DTNBP1: variants seen among roughly 807,000 people sequenced by gnomAD.
DTNBP1 encodes dysbindin.
In DTNBP1, 35 loss-of-function variants were observed where a neutral mutation model predicts 42.8. That is an observed-to-expected ratio of 0.82 (90% CI 0.63 to 1.09). The LOEUF (loss-of-function observed/expected upper bound fraction) is 1.09. DTNBP1 is among the 50% of genes least tolerant of loss of function. DTNBP1 has a pLI of 0.00. For missense variants in DTNBP1, 457 were observed against 424.2 expected (o/e 1.08, Z -0.68); for synonymous variants, 171 against 162.2 (o/e 1.05, Z -0.41).
At chr6:15,646,774 C>T (rs1190307380) in intron 3 of DTNBP1, among the ~76,000 whole-genome samples, 3 of 151,946 alleles carry the variant, frequency 2.0e-5, no homozygotes, top group Non-Finnish European at 2.9e-5. Context: ...GGGGAAAGGA[C>T]ACCCTATTCA....
At chr6:15,660,181 T>C (rs957509858) in intron 1 of DTNBP1, among the ~76,000 whole-genome samples, 17 of 152,190 alleles carry the variant, frequency 1.1e-4, no homozygotes, top group African/African-American at 3.6e-4. Flanking sequence ...ATTTATGTAA[T>C]ATGTTTCTTT....
At chr6:15,545,670 A>G (rs920463944) in intron 7 of DTNBP1, among the ~76,000 whole-genome samples, 10 of 152,230 alleles carry the variant, frequency 6.6e-5, no homozygotes, top group Admixed American at 2.6e-4. Context: ...GTTGGTCACA[A>G]AATTAGGTCC....
At chr6:15,603,703 C>G (rs1214732648) in intron 6 of DTNBP1, among the ~76,000 whole-genome samples, 1 of 152,262 alleles carries the variant, frequency 6.6e-6, no homozygotes, top group Non-Finnish European at 1.5e-5. Context: ...TTATGATTTG[C>G]TAAGCACGTC....
At chr6:15,615,806 A>C (rs553962244) in intron 5 of DTNBP1, among the ~76,000 whole-genome samples, 128 of 152,368 alleles carry the variant, frequency 8.4e-4, no homozygotes, top group African/African-American at 2.9e-3. Context: ...ATACTTAACT[A>C]ACTTAATATC....
At chr6:15,541,707 C>G (rs116046144) in intron 7 of DTNBP1, among the ~76,000 whole-genome samples, 87 of 152,152 alleles carry the variant, frequency 5.7e-4, no homozygotes, top group African/African-American at 1.9e-3. Flanking sequence ...TGCTTACTTA[C>G]TCAAAACAAC....
chr6:15,578,779 C>T (rs1012093056), intron 7 of DTNBP1, among the ~76,000 whole-genome samples: 4 of 152,058 alleles, frequency 2.6e-5, no homozygotes, highest in Admixed American at 1.3e-4. Flanking sequence ...TCATTTGATG[C>T]CCAAAAGGTA....
In DTNBP1 at chr6:15,523,180, T is replaced by C; in HGVS notation, c.851A>G (p.Gln284Arg). Residue 284 changes from glutamine to arginine, a missense_variant, in exon 10 of 10, where the codon CAG becomes CGG. Transcript: ENST00000344537. ...TCTTAATTCTGAGGGATTTGGAACC[T>C]GGAGGGTAATCTCATTCTGACAGGT... is the stretch of plus-strand genomic sequence containing the variant. ...SSTCQNEITL[Q>R]VPNPSELRAK... is the part of the protein sequence containing the mutation. 6.2e-7 allele frequency: 1 copy of C among 1,614,212 alleles called. No individual in the cohort carries two copies. The highest frequency in any genetic ancestry group is 8.5e-7 in the Non-Finnish European group (1 of 1,180,036).
At position 15,637,767 on chromosome 6, in the gene DTNBP1, T is replaced by C; in HGVS notation, c.199A>G (p.Lys67Glu). ...ACCTCTCCAGCACTTGCACAGTCTT[T>C]GGCTCTTCTGTGAAGTGCAGCCCAT... The part of the protein sequence containing the change: ...DTWAALHRRA[K>E]DCASAGELVD... Residue 67 changes from lysine (K) to glutamate (E), a missense_variant, in exon 4 of 10, where the codon AAA (lysine) becomes GAA (glutamate). By Grantham distance (56) the Lys-to-Glu change is moderately conservative. Transcript: ENST00000344537. 6.2e-7 allele frequency: 1 copy of C among 1,613,884 alleles called. No individual in the cohort carries two copies. The highest frequency in any genetic ancestry group is 2.2e-5 in the East Asian group (1 of 44,872).
At chr6:15,649,749 C>T (rs1297691599) in intron 3 of DTNBP1, among the ~76,000 whole-genome samples, 2 of 152,178 alleles carry the variant, frequency 1.3e-5, no homozygotes, top group Non-Finnish European at 2.9e-5. Flanking sequence ...AAGACTGTTT[C>T]AGTGCGATGT....
At position 15,638,525 on chromosome 6, in the gene DTNBP1, G is replaced by A. The variant is rs532369582; in HGVS notation, c.162-721C>T. Among the ~76,000 whole-genome samples, 5 of 152,270 alleles carry A rather than the reference G, an allele frequency of 3.3e-5. No individual in the cohort carries two copies. The East Asian group carries it at 9.6e-4, about 29-fold the overall frequency. On this transcript the variant is annotated intron_variant, in intron 3 of 9. Transcript: ENST00000344537. ...TTTTAATGGATGATACAACTAGTGG[G>A]TAAAAGCACAAAAAGAAACAGGATA...
intron 4 of DTNBP1, among the ~76,000 whole-genome samples, chr6:15,634,524 C>T (rs1759890663): frequency 6.6e-6 from 1 of 152,134 alleles, no homozygotes; most frequent in Non-Finnish European, 1.5e-5. Context: ...CACCACGTTG[C>T]TCAGGCTGGT....
intron 7 of DTNBP1, among the ~76,000 whole-genome samples, chr6:15,582,146 G>A (rs1210350447): frequency 1.3e-5 from 2 of 152,176 alleles, no homozygotes; most frequent in Non-Finnish European, 2.9e-5. Flanking sequence ...AAAGAGAATG[G>A]GGGAAAGGGA....
chr6:15,622,655 A>G (rs899961831), intron 5 of DTNBP1, among the ~76,000 whole-genome samples: 2 of 152,228 alleles, frequency 1.3e-5, no homozygotes, highest in African/African-American at 2.4e-5. Flanking sequence ...TGCTCGCTAT[A>G]ACAACCGCAT....
intron 8 of DTNBP1, among the ~76,000 whole-genome samples, chr6:15,532,564 G>A (rs1405522919): frequency 2.6e-5 from 4 of 152,098 alleles, no homozygotes; most frequent in East Asian, 1.9e-4. Context: ...AAGCAGACTC[G>A]ACAGAGACTA....
At chr6:15,553,593 G>GTTTTTTTTTTTTTTT (rs1168459056) in intron 7 of DTNBP1, among the ~76,000 whole-genome samples, 41 of 14,210 alleles carry the variant, frequency 2.9e-3, no homozygotes, top group African/African-American at 5.8e-3. Flanking sequence ...TGACAAGTGA[G>GTTTTTTTTTTTTTTT]CTTTTTTTTT....
At chr6:15,559,180 C>T (rs916996156) in intron 7 of DTNBP1, among the ~76,000 whole-genome samples, 4 of 152,152 alleles carry the variant, frequency 2.6e-5, no homozygotes, top group African/African-American at 7.2e-5. Context: ...ATGAGGAGCA[C>T]GGTGGCCAGC....
At chr6:15,622,412 C>T (rs533229915) in intron 5 of DTNBP1, among the ~76,000 whole-genome samples, 33 of 152,114 alleles carry the variant, frequency 2.2e-4, no homozygotes, top group Non-Finnish European at 3.7e-4. Context: ...CTTAAAAAAG[C>T]TCTTCATATA....
At chr6:15,569,529 C>T (rs1373083685) in intron 7 of DTNBP1, among the ~76,000 whole-genome samples, 2 of 152,122 alleles carry the variant, frequency 1.3e-5, no homozygotes, top group African/African-American at 2.4e-5. Context: ...GTGCGGTTTC[C>T]TCCCATCTCC....
intron 4 of DTNBP1, among the ~76,000 whole-genome samples, chr6:15,635,179 C>T (rs546703542): frequency 6.6e-6 from 1 of 152,218 alleles, no homozygotes; most frequent in South Asian, 2.1e-4. Flanking sequence ...AGTGCAGTGG[C>T]ATGATCTCGG....
Sources: allele counts gnomAD v4.1 joint callset (sites outside exome capture counted in the v4.1 genomes callset), GRCh38; gene constraint gnomAD v4.1.1; transcripts MANE v1.5; gene names NCBI Gene and HGNC (gene_info 2026-07-23, HGNC 2026-07-21).